Variants in CCDC178 observed in about 807,000 individuals in gnomAD.
CCDC178 encodes the protein coiled-coil domain-containing protein 178.
A neutral mutation model predicts 117.4 loss-of-function variants in CCDC178; 126 were observed. That is an observed-to-expected ratio of 1.07 (90% CI 0.93 to 1.24). CCDC178 has a LOEUF of 1.24. Among genes scored for constraint, CCDC178 ranks in the 50% most tolerant of loss-of-function variants. CCDC178 has a pLI of 0.00. For missense variants in CCDC178, 1,030 were observed against 986.9 expected, an observed-to-expected ratio of 1.04 and a Z score of -0.59; for synonymous variants, 283 against 313.4, an observed-to-expected ratio of 0.90 and a Z score of 1.02.
chr18:33,174,752 C>T (rs973550953), intron 20 of CCDC178, among the ~76,000 whole-genome samples: 4 of 152,142 alleles, frequency 2.6e-5, no homozygotes, highest in Admixed American at 2.6e-4. Context: ...CTATCTTCTT[C>T]ATTTTCCTAT....
At chr18:33,233,355 T>A (rs1408398353) in intron 15 of CCDC178, among the ~76,000 whole-genome samples, 1 of 152,120 alleles carries the variant, frequency 6.6e-6, no homozygotes, top group Non-Finnish European at 1.5e-5. Context: ...GTATCAAATA[T>A]CAGTTTTTAT....
chr18:33,138,304 GT>G (rs2058153967), intron 20 of CCDC178, among the ~76,000 whole-genome samples: 1 of 152,144 alleles, frequency 6.6e-6, no homozygotes, highest in Non-Finnish European at 1.5e-5. Flanking sequence ...CTTTGTATTT[GT>G]ATTGTGAGGA....
rs573256565 is a variant in CCDC178 at position 33,290,170 on chromosome 18, T to C, written c.1176+2989A>G. On this transcript the variant is annotated intron_variant, in intron 12 of 22. Transcript: ENST00000383096. ...ATTAGCACAGATGGCTAAATCAATCTACTTAGAATTGTATGCCCAAACCAG... is the reference window on the plus strand; with the variant it reads ...ATTAGCACAGATGGCTAAATCAATCCACTTAGAATTGTATGCCCAAACCAG... 1.2e-3 allele frequency among the ~76,000 whole-genome samples: 187 copies of C among 152,300 alleles called. 2 individuals are homozygous for C. In the Middle Eastern group the frequency reaches 0.041, roughly 33 times the overall value.
intron 20 of CCDC178, among the ~76,000 whole-genome samples, chr18:33,140,168 G>A (rs961750081): frequency 2.0e-5 from 3 of 152,192 alleles, no homozygotes; most frequent in Non-Finnish European, 4.4e-5. Context: ...TGGATGTTGA[G>A]GCAGAAGTTT....
chr18:33,179,079 ATAT>A (rs1439295460), intron 20 of CCDC178, among the ~76,000 whole-genome samples: 612 of 43,584 alleles, frequency 0.014, 58 homozygotes, highest in African/African-American at 0.04. Flanking sequence ...AAAAAAAAAA[ATAT>A]ATATATATAT....
chr18:33,427,122 C>T (rs2144954553), intron 2 of CCDC178, among the ~76,000 whole-genome samples: 1 of 152,100 alleles, frequency 6.6e-6, no homozygotes, highest in Admixed American at 6.5e-5. Flanking sequence ...CACTATGATT[C>T]ATTCTTAACA....
intron 14 of CCDC178, among the ~76,000 whole-genome samples, chr18:33,261,172 C>T (rs2059744463): frequency 6.6e-6 from 1 of 152,188 alleles, no homozygotes; most frequent in Non-Finnish European, 1.5e-5. Flanking sequence ...CGAGCTCCGC[C>T]TCCTGGGTTC....
chr18:33,325,606 T>C (rs2062574073), intron 10 of CCDC178, among the ~76,000 whole-genome samples: 1 of 152,110 alleles, frequency 6.6e-6, no homozygotes, highest in Non-Finnish European at 1.5e-5. Flanking sequence ...ACAGGTTAGA[T>C]CATACGCAAG....
chr18:33,426,795 T>C (rs955088609), intron 2 of CCDC178, among the ~76,000 whole-genome samples: 10 of 152,198 alleles, frequency 6.6e-5, no homozygotes, highest in African/African-American at 9.6e-5. Context: ...TTGTCTGTTT[T>C]ATTTTTTATA....
At chr18:33,193,034 C>T (rs1437043828) in intron 20 of CCDC178, among the ~76,000 whole-genome samples, 1 of 151,044 alleles carries the variant, frequency 6.6e-6, no homozygotes, top group African/African-American at 2.4e-5. Flanking sequence ...CCGAGGCAGG[C>T]GGATCACGAG....
intron 20 of CCDC178, among the ~76,000 whole-genome samples, chr18:33,167,944 T>A (rs2058553143): frequency 6.6e-6 from 1 of 152,028 alleles, no homozygotes; most frequent in Non-Finnish European, 1.5e-5. Context: ...TTAATGGGTA[T>A]TTTTTTCTTG....
At chr18:32,943,361 C>G (rs931682258) in intron 22 of CCDC178, among the ~76,000 whole-genome samples, 77 of 152,132 alleles carry the variant, frequency 5.1e-4, no homozygotes, top group Non-Finnish European at 1.5e-4. Flanking sequence ...TGATCATGCT[C>G]CGTGATCTTG....
At chr18:32,970,871 G>GTA (rs1181296798) in intron 22 of CCDC178, among the ~76,000 whole-genome samples, 3 of 151,966 alleles carry the variant, frequency 2.0e-5, no homozygotes, top group Admixed American at 2.0e-4. Flanking sequence ...TGGTTCGTGG[G>GTA]TATATACAGG....
At chr18:33,002,040 G>A (rs1456804908) in intron 21 of CCDC178, among the ~76,000 whole-genome samples, 1 of 152,140 alleles carries the variant, frequency 6.6e-6, no homozygotes, top group Non-Finnish European at 1.5e-5. Context: ...CAAATAGTAT[G>A]AGAGCTAAAT....
chr18:33,392,690 A>T (rs917241406), intron 4 of CCDC178, among the ~76,000 whole-genome samples: 3 of 152,078 alleles, frequency 2.0e-5, no homozygotes, highest in African/African-American at 7.2e-5. Context: ...ATTTAAAAAG[A>T]AGAATTAAAA....
At chr18:33,386,581 C>A (rs1032489753) in intron 5 of CCDC178, among the ~76,000 whole-genome samples, 14 of 152,122 alleles carry the variant, frequency 9.2e-5, no homozygotes, top group Admixed American at 7.2e-4. Flanking sequence ...AATCAATAAA[C>A]GTAATTTATC....
At chr18:33,210,917 T>C (rs1175489894) in intron 20 of CCDC178, among the ~76,000 whole-genome samples, 1 of 152,068 alleles carries the variant, frequency 6.6e-6, no homozygotes, top group Non-Finnish European at 1.5e-5. Context: ...ATAATTTTCT[T>C]ATAGACAAAC....
At chr18:33,209,144 T>C (rs2059079273) in intron 20 of CCDC178, among the ~76,000 whole-genome samples, 1 of 152,034 alleles carries the variant, frequency 6.6e-6, no homozygotes, top group East Asian at 1.9e-4. Context: ...TATGGTACAC[T>C]GAAAATTTGA....
At chr18:33,322,605 A>G (rs141661544) in intron 11 of CCDC178, among the ~76,000 whole-genome samples, 13 of 151,908 alleles carry the variant, frequency 8.6e-5, no homozygotes, top group Non-Finnish European at 1.3e-4. Flanking sequence ...TTAAAAATAC[A>G]TATTTCTTAA....
Sources: gnomAD v4.1 joint callset for allele counts (sites outside exome capture counted in the v4.1 genomes callset) on GRCh38, gnomAD v4.1.1 for gene constraint, MANE v1.5 for transcripts, NCBI Gene and HGNC (gene_info 2026-07-23, HGNC 2026-07-21) for gene names.